GNA14: variants seen among roughly 807,000 people sequenced by gnomAD.
The protein encoded by GNA14 is G protein subunit alpha 14.
A neutral mutation model predicts 42.0 loss-of-function variants in GNA14; 50 were observed. That is an observed-to-expected ratio of 1.19 (90% confidence interval 0.95 to 1.51). The LOEUF is 1.51. Ranked by LOEUF, GNA14 falls within the 40% of genes most tolerant of loss-of-function variation. The pLI is 0.00. For synonymous variants in GNA14, 173 were observed against 163.1 expected (o/e 1.06, Z -0.46); for missense variants, 473 against 446.2 (o/e 1.06, Z -0.54).
chr9:77,514,252 T>C (rs1162592143), intron 2 of GNA14, among the ~76,000 whole-genome samples: 7 of 152,112 alleles, frequency 4.6e-5, no homozygotes, highest in Admixed American at 4.6e-4. Context: ...CACAGTCCCA[T>C]AGTCAAGGAG....
intron 1 of GNA14, among the ~76,000 whole-genome samples, chr9:77,632,840 G>C (rs1216680147): frequency 6.6e-6 from 1 of 152,160 alleles, no homozygotes; most frequent in Non-Finnish European, 1.5e-5. Flanking sequence ...ACTATTCCAT[G>C]CCTGACTCTC....
At chr9:77,627,736 C>T (rs900890244) in intron 1 of GNA14, among the ~76,000 whole-genome samples, 4 of 152,082 alleles carry the variant, frequency 2.6e-5, no homozygotes, top group African/African-American at 7.2e-5. Flanking sequence ...ATTGATGGAA[C>T]GTATCTCAAA....
Position 77,644,437 on chromosome 9 carries a change from C to CAAAAAAA in GNA14, c.124+3226_124+3232dup, listed in dbSNP as rs764737417. ...TACTGAACTCCAACCTAAAGAGTGTCAAAAAAAAAAAAAAAAAAAAAAAAA... is the reference window on the plus strand; with the variant it reads ...TACTGAACTCCAACCTAAAGAGTGTCAAAAAAAAAAAAAAAAAAAAAAAAAAAAAAAA... On this transcript the variant is annotated intron_variant, in intron 1 of 6. Coordinates refer to ENST00000341700, the MANE Select transcript of GNA14 (RefSeq NM_004297.4). Among the ~76,000 whole-genome samples the CAAAAAAA allele has an allele frequency of 1.0e-3, 35 of 34,014 alleles. 5 individuals are homozygous for CAAAAAAA. The highest frequency in any genetic ancestry group is 3.4e-3 in the African/African-American group (29 of 8,580). 22.3% of individuals were successfully genotyped at this position (34,014 alleles called of 152,430 possible).
chr9:77,502,870 CT>C (rs1250368413), intron 2 of GNA14, among the ~76,000 whole-genome samples: 1 of 152,162 alleles, frequency 6.6e-6, no homozygotes, highest in Non-Finnish European at 1.5e-5. Flanking sequence ...ATTGCTTAAA[CT>C]TTGTCTGTCT....
At chr9:77,461,558 C>T (rs1042041767) in intron 2 of GNA14, among the ~76,000 whole-genome samples, 4 of 152,122 alleles carry the variant, frequency 2.6e-5, no homozygotes, top group Non-Finnish European at 5.9e-5. Flanking sequence ...CCTCGCTCAC[C>T]ATCTTTATCA....
intron 2 of GNA14, among the ~76,000 whole-genome samples, chr9:77,445,454 TG>T (rs2131699707): frequency 6.7e-6 from 1 of 149,276 alleles, no homozygotes; most frequent in East Asian, 2.0e-4. Context: ...GGCTCATGCC[TG>T]TAATCCCAAC....
chr9:77,456,780 A>T (rs1175607815), intron 2 of GNA14, among the ~76,000 whole-genome samples: 1 of 150,060 alleles, frequency 6.7e-6, no homozygotes. Flanking sequence ...CAATAAATAT[A>T]ATATAGTTAT....
rs372401240 is a variant in GNA14, at chr9:77,584,269, C to CA, written c.125-55017dup. On this transcript the variant is annotated intron_variant, in intron 1 of 6. Coordinates refer to ENST00000341700, the MANE Select transcript of GNA14 (RefSeq NM_004297.4). ...ATTATTTGGAATATAGGCTTATAGT[C>CA]ATCTTTAATGATGACCTTGATAGTA... Among the ~76,000 whole-genome samples the CA allele has an allele frequency of 4.1e-3, 619 of 152,278 alleles. 1 individual carries two copies. Among genetic ancestry groups the CA allele is most frequent in the African/African-American group, 0.014 (590 of 41,546 alleles).
chr9:77,647,747 C>G lies in GNA14; in HGVS notation c.47G>C (p.Arg16Pro), dbSNP rs751699547. The G allele has an allele frequency of 1.2e-6, 2 of 1,609,798 alleles. No homozygotes were observed. The highest frequency in any genetic ancestry group is 1.7e-6 in the Non-Finnish European group (2 of 1,178,538). Residue 16 changes from arginine to proline, a missense_variant, in exon 1 of 7, where the codon CGC (arginine) becomes CCC (proline). Arg to Pro is a moderately radical substitution (Grantham distance 103). Transcript: ENST00000341700. ...CLSAEEKESQ[R>P]ISAEIERQLR... is the part of the protein sequence containing the mutation. The stretch of plus-strand genomic sequence containing the variant: ...CTGTCGCTCGATCTCCGCGCTGATG[C>G]GCTGCGACTCCTTCTCCTCCGCGGA...
rs955578718 is a variant in GNA14 at position 77,561,202 on chromosome 9, A to G, written c.125-31949T>C. On this transcript the variant is annotated intron_variant, in intron 1 of 6. Transcript: ENST00000341700. Reference sequence around the variant, plus strand: ...CCTCTAGACCTCTACAGACCCCTACAAGGCTGAACCAGGAAATAAGGATGG... The same window carrying G: ...CCTCTAGACCTCTACAGACCCCTACGAGGCTGAACCAGGAAATAAGGATGG... Among the ~76,000 whole-genome samples, 7 of 152,164 alleles carry G rather than the reference A, an allele frequency of 4.6e-5. No individual in the cohort carries two copies. In the East Asian group the frequency reaches 1.3e-3, roughly 29 times the overall value.
chr9:77,469,360 T>G (rs1003215321), intron 2 of GNA14, among the ~76,000 whole-genome samples: 1 of 97,318 alleles, frequency 1.0e-5, no homozygotes, highest in East Asian at 3.4e-4. Flanking sequence ...TAGGATAAAC[T>G]GTGTTAAAAA....
intron 1 of GNA14, among the ~76,000 whole-genome samples, chr9:77,642,023 TAAAC>T (rs905871946): frequency 1.3e-5 from 2 of 151,898 alleles, no homozygotes; most frequent in Non-Finnish European, 2.9e-5. Flanking sequence ...AAATAAAAAG[TAAAC>T]AAACAAAAAA....
intron 1 of GNA14, chr9:77,635,130 T>C (rs1356521232): frequency 2.0e-5 from 3 of 152,206 alleles, no homozygotes; most frequent in Admixed American, 2.0e-4. Flanking sequence ...CCAAACAGTG[T>C]ACACTGGACC....
intron 1 of GNA14, among the ~76,000 whole-genome samples, chr9:77,647,308 A>G (rs1824372654): frequency 6.6e-6 from 1 of 152,214 alleles, no homozygotes; most frequent in Non-Finnish European, 1.5e-5. Flanking sequence ...CGCTGAACCC[A>G]AGATGTGGGT....
intron 2 of GNA14, among the ~76,000 whole-genome samples, chr9:77,470,150 G>C (rs1836306052): frequency 6.6e-6 from 1 of 152,188 alleles, no homozygotes. Context: ...CACGGGTACA[G>C]AATAGTCATG....
At chr9:77,472,074 T>C (rs1836341109) in intron 2 of GNA14, among the ~76,000 whole-genome samples, 1 of 152,184 alleles carries the variant, frequency 6.6e-6, no homozygotes, top group Non-Finnish European at 1.5e-5. Context: ...GTGCTGAATC[T>C]GGCAGTGCTT....
At chr9:77,525,296 C>A (rs1007699769) in intron 2 of GNA14, among the ~76,000 whole-genome samples, 1 of 152,172 alleles carries the variant, frequency 6.6e-6, no homozygotes, top group Non-Finnish European at 1.5e-5. Context: ...CACAGTAGAA[C>A]CATGAGCAAA....
intron 2 of GNA14, among the ~76,000 whole-genome samples, chr9:77,500,039 TGAAACGGAGTTTCAC>T (rs1836940044): frequency 6.6e-6 from 1 of 151,776 alleles, no homozygotes; most frequent in Non-Finnish European, 1.5e-5. Context: ...TTTTTTTTTT[TGAAACGGAGTTTCAC>T]TCTTGTTGCT....
intron 1 of GNA14, among the ~76,000 whole-genome samples, chr9:77,615,856 T>A (rs1368149994): frequency 7.4e-6 from 1 of 134,710 alleles, no homozygotes; most frequent in East Asian, 2.1e-4. Context: ...TTTGTTTTTT[T>A]GTTTTTTGGG....
Sources: gnomAD v4.1 joint callset for allele counts (sites outside exome capture counted in the v4.1 genomes callset) on GRCh38, gnomAD v4.1.1 for gene constraint, MANE v1.5 for transcripts, NCBI Gene and HGNC (gene_info 2026-07-23, HGNC 2026-07-21) for gene names.